The following ST3GAL1 variants were observed in gnomAD, a reference collection of about 807,000 sequenced individuals.
ST3GAL1 encodes CMP-N-acetylneuraminate-beta-galactosamide-alpha-2,3-sialyltransferase 1.
ST3GAL1 carries 16 observed loss-of-function variants against 34.1 expected under a neutral mutation model. The observed-to-expected ratio is 0.47, with a 90% CI of 0.32 to 0.71. ST3GAL1 has a LOEUF of 0.71. Among genes scored for constraint, ST3GAL1 ranks in the 30% least tolerant of loss-of-function variants. The probability of loss-of-function intolerance (pLI) is 0.04; values close to 1 mark genes in which losing one functional copy is unlikely to be tolerated. For missense variants in ST3GAL1, 353 were observed against 447.4 expected (o/e 0.79, Z 1.90); for synonymous variants, 191 against 184.7 (o/e 1.03, Z -0.28).
intron 3 of ST3GAL1, among the ~76,000 whole-genome samples, chr8:133,489,075 G>C (rs796617049): frequency 8.5e-5 from 13 of 152,260 alleles, no homozygotes; most frequent in African/African-American, 3.1e-4. Context: ...GTGTCCTGGG[G>C]GTCTCAGTAA....
intron 3 of ST3GAL1, among the ~76,000 whole-genome samples, chr8:133,483,334 T>C (rs1816467601): frequency 6.6e-6 from 1 of 152,094 alleles, no homozygotes; most frequent in Non-Finnish European, 1.5e-5. Context: ...AAAGTAAGAC[T>C]CCATCTTAAA....
chr8:133,514,564 G>A (rs1226326942), intron 2 of ST3GAL1, among the ~76,000 whole-genome samples: 6 of 152,040 alleles, frequency 3.9e-5, no homozygotes, highest in Non-Finnish European at 7.4e-5. Context: ...CTCCTCCACC[G>A]CATGCTCTCC....
chr8:133,543,262 T>C (rs752706266), intron 2 of ST3GAL1, among the ~76,000 whole-genome samples: 12 of 152,184 alleles, frequency 7.9e-5, no homozygotes, highest in Admixed American at 2.0e-4. Context: ...GTCAAAAAGG[T>C]TAACGTGCTG....
At chr8:133,530,607 A>G (rs576218836) in intron 2 of ST3GAL1, among the ~76,000 whole-genome samples, 1 of 152,158 alleles carries the variant, frequency 6.6e-6, no homozygotes, top group South Asian at 2.1e-4. Context: ...AGCATACTCC[A>G]ATGCTGTGCT....
intron 3 of ST3GAL1, among the ~76,000 whole-genome samples, chr8:133,496,632 A>T (rs963022975): frequency 6.6e-6 from 1 of 152,152 alleles, no homozygotes; most frequent in East Asian, 1.9e-4. Flanking sequence ...GGTGGCACTA[A>T]GATGAGACCA....
intron 2 of ST3GAL1, among the ~76,000 whole-genome samples, chr8:133,536,125 AC>A: frequency 6.6e-6 from 1 of 152,220 alleles, no homozygotes; most frequent in South Asian, 2.1e-4. Flanking sequence ...TGTGATTTGA[AC>A]CCGGGTCATC....
At position 133,459,527 on chromosome 8, in the gene ST3GAL1, G is replaced by C. The variant is rs865881131; in HGVS notation, c.*237C>G. On this transcript the variant is annotated 3_prime_UTR_variant, in exon 10 of 10. Transcript: ENST00000522652. The surrounding 1 kb of genome is among the most constrained non-coding windows in gnomAD (Gnocchi z 4.7). Reference sequence around the variant, plus strand: ...GTCTCCCCAGCTCTAGGGCAGCAGTGGGGGGACGTTGTCCCCACTCAAGAC... The same window carrying C: ...GTCTCCCCAGCTCTAGGGCAGCAGTCGGGGGACGTTGTCCCCACTCAAGAC... 1.2e-5 allele frequency: 5 copies of C among 415,076 alleles called. No homozygotes were observed. The highest frequency in any genetic ancestry group is 6.2e-5 in the African/African-American group (3 of 48,692). 25.7% of individuals were successfully genotyped at this position (415,076 alleles called of 1,614,324 possible).
intron 2 of ST3GAL1, among the ~76,000 whole-genome samples, chr8:133,541,067 AG>A (rs1402308017): frequency 3.6e-5 from 2 of 56,196 alleles, no homozygotes; most frequent in African/African-American, 1.2e-4. Flanking sequence ...ATATATATAT[AG>A]ACATATATAT....
chr8:133,497,175 G>T (rs1199950557), intron 3 of ST3GAL1, among the ~76,000 whole-genome samples: 1 of 152,218 alleles, frequency 6.6e-6, no homozygotes, highest in African/African-American at 2.4e-5. Context: ...CACAAGGTCA[G>T]CAGTGTAGTT....
chr8:133,478,304 T>C (rs1298544699), intron 3 of ST3GAL1, among the ~76,000 whole-genome samples: 2 of 152,228 alleles, frequency 1.3e-5, no homozygotes, highest in Non-Finnish European at 2.9e-5. Context: ...GGGATGGGCA[T>C]GTGCCTTAAT....
chr8:133,568,944 A>T (rs114124008), intron 1 of ST3GAL1, among the ~76,000 whole-genome samples: 282 of 152,292 alleles, frequency 1.9e-3, no homozygotes, highest in African/African-American at 6.1e-3. Flanking sequence ...CAATGCTGTG[A>T]GCGCCACCAG....
At chr8:133,477,656 G>T (rs952909409) in intron 3 of ST3GAL1, among the ~76,000 whole-genome samples, 5 of 152,184 alleles carry the variant, frequency 3.3e-5, no homozygotes, top group African/African-American at 1.2e-4. Context: ...TTTTGAAGAA[G>T]GCAAACAGGT....
chr8:133,460,612 G>A (rs567290594), intron 9 of ST3GAL1, among the ~76,000 whole-genome samples: 1 of 152,226 alleles, frequency 6.6e-6, no homozygotes, highest in African/African-American at 2.4e-5. Context: ...TTGATCAGAT[G>A]CCAGCTGGGC....
chr8:133,463,379 G>C (rs147360807), intron 8 of ST3GAL1, 35 bp downstream of exon 8: 10 of 1,612,518 alleles, frequency 6.2e-6, no homozygotes, highest in Non-Finnish European at 8.5e-6. Context: ...GAGGAAGCCT[G>C]AACTTAGAAC....
At chr8:133,540,946 T>TATATATAGAC (rs1563734290) in intron 2 of ST3GAL1, among the ~76,000 whole-genome samples, 75 of 83,508 alleles carry the variant, frequency 9.0e-4, no homozygotes, top group African/African-American at 3.1e-3. Context: ...TATATAGACA[T>TATATATAGAC]ATATATAGAC....
intron 2 of ST3GAL1, among the ~76,000 whole-genome samples, chr8:133,504,838 A>G (rs2131001087): frequency 6.6e-6 from 1 of 152,322 alleles, no homozygotes; most frequent in Middle Eastern, 3.4e-3. Context: ...CTTGGAGGGT[A>G]AAGTTTTGAA....
At chr8:133,541,827 AG>A in intron 2 of ST3GAL1, among the ~76,000 whole-genome samples, 1 of 152,304 alleles carries the variant, frequency 6.6e-6, no homozygotes, top group Non-Finnish European at 1.5e-5. Flanking sequence ...TGATGTCAGA[AG>A]TAACAGCAAG....
chr8:133,524,934 T>A (rs1315929685), intron 2 of ST3GAL1, among the ~76,000 whole-genome samples: 1 of 152,252 alleles, frequency 6.6e-6, no homozygotes, highest in Non-Finnish European at 1.5e-5. Context: ...GGGGAGCCCC[T>A]AGATCTGGGC....
intron 3 of ST3GAL1, among the ~76,000 whole-genome samples, chr8:133,479,970 G>A (rs944303748): frequency 6.6e-6 from 1 of 152,230 alleles, no homozygotes; most frequent in African/African-American, 2.4e-5. Flanking sequence ...CAGGCATGGG[G>A]GAATGCCAGC....
Sources: gnomAD v4.1 joint callset for allele counts (sites outside exome capture counted in the v4.1 genomes callset) on GRCh38, gnomAD v4.1.1 for gene constraint, Gnocchi (gnomAD v3.1) non-coding constraint, MANE v1.5 for transcripts, NCBI Gene and HGNC (gene_info 2026-07-23, HGNC 2026-07-21) for gene names.